PCDHGB4: variants seen among roughly 807,000 people sequenced by gnomAD.
PCDHGB4 encodes the protein protocadherin gamma-B4.
Under a neutral mutation model 60.5 loss-of-function variants are expected in PCDHGB4, and 38 were observed. The observed-to-expected ratio is 0.63, with a 90% CI of 0.48 to 0.82. The LOEUF (loss-of-function observed/expected upper bound fraction) is 0.82. Among genes scored for constraint, PCDHGB4 ranks in the 40% least tolerant of loss-of-function variants. The probability of loss-of-function intolerance (pLI) is 0.00; values close to 1 mark genes in which losing one functional copy is unlikely to be tolerated. For missense variants in PCDHGB4, 1,109 were observed against 1,209.6 expected, an observed-to-expected ratio of 0.92 and a Z score of 1.23; for synonymous variants, 456 against 509.7, an observed-to-expected ratio of 0.89 and a Z score of 1.42.
rs2098680935 is a variant in PCDHGB4, at chr5:141,450,471, G to A, written c.2398-44336G>A. 2.0e-5 allele frequency among the ~76,000 whole-genome samples: 3 copies of A among 147,910 alleles called. No homozygotes were observed. In the South Asian group the frequency reaches 6.2e-4, roughly 31 times the overall value. ...GTTTCCTCGTGATTTTATATATAGA[G>A]TTTGTTTGTTTGTTTGTCTGTTTGT... On this transcript the variant is annotated intron_variant, in intron 1 of 3. Transcript: ENST00000519479.
intron 1 of PCDHGB4, chr5:141,392,917 T>C: frequency 2.5e-6 from 4 of 1,613,922 alleles, no homozygotes; most frequent in Non-Finnish European, 3.4e-6. Context: ...CGCTACTCTG[T>C]GCCAGAAGAG....
intron 1 of PCDHGB4, among the ~76,000 whole-genome samples, chr5:141,462,783 T>A (rs1313584666): frequency 6.6e-6 from 1 of 152,236 alleles, no homozygotes; most frequent in Non-Finnish European, 1.5e-5. Flanking sequence ...CATAATTTGT[T>A]GCTTATTTGC....
intron 1 of PCDHGB4, among the ~76,000 whole-genome samples, chr5:141,488,423 T>C (rs1204233986): frequency 2.0e-5 from 3 of 152,354 alleles, no homozygotes; most frequent in Non-Finnish European, 4.4e-5. Context: ...CCATCCATGC[T>C]TGGCCTCTGA....
chr5:141,412,963 G>A (rs1387713187), intron 1 of PCDHGB4: 2 of 518,110 alleles, frequency 3.9e-6, no homozygotes, highest in South Asian at 3.3e-5. Context: ...TCACCTACTA[G>A]GAGAGAAAAC....
intron 1 of PCDHGB4, chr5:141,415,814 T>G: frequency 7.5e-7 from 1 of 1,330,430 alleles, no homozygotes; most frequent in South Asian, 1.8e-5. Flanking sequence ...AAGGCCTATA[T>G]ATCATAAGGC....
chr5:141,470,915 C>A (rs2099244061), intron 1 of PCDHGB4, among the ~76,000 whole-genome samples: 1 of 152,010 alleles, frequency 6.6e-6, no homozygotes, highest in Non-Finnish European at 1.5e-5. Flanking sequence ...GGGACTGTCC[C>A]TATGTTGCTC....
At position 141,397,489 on chromosome 5, in the gene PCDHGB4, A is replaced by G. The variant is rs568778994; in HGVS notation, c.2397+7208A>G. 3.3e-5 allele frequency among the ~76,000 whole-genome samples: 5 copies of G among 152,372 alleles called. No homozygotes were observed. In the East Asian group the frequency reaches 9.6e-4, roughly 29 times the overall value. ...GGAGTTGGAAATCATAGAAATGAAC[A>G]GAAGAATGATAAAATTGTTTCCATA... On this transcript the variant is annotated intron_variant, in intron 1 of 3. Coordinates refer to ENST00000519479, the MANE Select transcript of PCDHGB4 (RefSeq NM_003736.4).
intron 1 of PCDHGB4, chr5:141,424,728 G>A (rs907091181): frequency 1.3e-5 from 2 of 152,102 alleles, no homozygotes; most frequent in African/African-American, 2.4e-5. Flanking sequence ...GGGAGTCATA[G>A]ATTCCTTCTT....
intron 2 of PCDHGB4, 36 bp from the exon 3 acceptor site, chr5:141,505,357 T>A (rs1026098450): frequency 6.2e-7 from 1 of 1,613,762 alleles, no homozygotes; most frequent in African/African-American, 1.3e-5. Context: ...TGTGCCGGCC[T>A]GGGAGTCTGT....
At chr5:141,421,252 G>A in intron 1 of PCDHGB4, 1 of 1,607,158 alleles carries the variant, frequency 6.2e-7, no homozygotes, top group Non-Finnish European at 8.5e-7. Context: ...ACAGCGCGGG[G>A]ACCGCAGTCG....
intron 1 of PCDHGB4, chr5:141,409,169 G>A (rs371896881): frequency 3.5e-5 from 56 of 1,613,906 alleles, no homozygotes; most frequent in Non-Finnish European, 4.2e-5. Flanking sequence ...GGAAGCGAAG[G>A]ACGGAGGTGG....
At chr5:141,414,043 G>A in intron 1 of PCDHGB4, 1 of 1,611,348 alleles carries the variant, frequency 6.2e-7, no homozygotes, top group Non-Finnish European at 8.5e-7. Context: ...AAAATTACCT[G>A]ACACGCAATT....
chr5:141,404,200 A>C, intron 1 of PCDHGB4: 1 of 1,613,696 alleles, frequency 6.2e-7, no homozygotes, highest in Non-Finnish European at 8.5e-7. Context: ...AAAAAGCCTC[A>C]GAATATAATA....
Position 141,511,267 on chromosome 5 carries a change from C to T in PCDHGB4, c.*94C>T, listed in dbSNP as rs1223074819. 1.3e-6 allele frequency: 2 copies of T among 1,549,404 alleles called. No homozygotes were observed. Among genetic ancestry groups the T allele is most frequent in the Non-Finnish European group, 1.7e-6 (2 of 1,146,836 alleles). On this transcript the variant is annotated 3_prime_UTR_variant, in exon 4 of 4. Transcript: ENST00000519479. ...CCAGGCCTCAGAGTTTCAGGGCTAA[C>T]CCCCAGAATACTGGTAGGGGCCAAG...
chr5:141,409,711 A>T (rs768917889), intron 1 of PCDHGB4: 1 of 1,613,204 alleles, frequency 6.2e-7, no homozygotes, highest in Non-Finnish European at 8.5e-7. Flanking sequence ...CGGTGTCGTC[A>T]TACGTGTCAG....
intron 1 of PCDHGB4, among the ~76,000 whole-genome samples, chr5:141,460,612 T>C (rs1215147315): frequency 6.6e-6 from 1 of 152,128 alleles, no homozygotes; most frequent in African/African-American, 2.4e-5. Flanking sequence ...GTTAGATGGA[T>C]AGATAGACAG....
Position 141,388,250 on chromosome 5 carries a change from G to A in PCDHGB4, c.366G>A (p.Glu122=). 6.2e-7 allele frequency: 1 copy of A among 1,610,522 alleles called. No individual in the cohort carries two copies. The highest frequency in any genetic ancestry group is 1.7e-4 in the Middle Eastern group (1 of 6,056). Residue 122 remains glutamate, a synonymous_variant, in exon 1 of 4, where the codon GAG becomes GAA. Coordinates refer to ENST00000519479, the MANE Select transcript of PCDHGB4 (RefSeq NM_003736.4). ...TGAACTTTTATCACGTGAATGTGGA[G>A]ATCGAGGACATTAATGACCACACGC... ...NPLNFYHVNV[E]IEDINDHTPK...
chr5:141,478,783 T>G (rs1435790850), intron 1 of PCDHGB4: 2 of 1,483,968 alleles, frequency 1.3e-6, no homozygotes, highest in Admixed American at 4.6e-5. Flanking sequence ...TGGACCTAAT[T>G]CACATCCTCA....
At chr5:141,408,280 C>T in intron 1 of PCDHGB4, 1 of 1,612,648 alleles carries the variant, frequency 6.2e-7, no homozygotes, top group Non-Finnish European at 8.5e-7. Flanking sequence ...CTTTGTTCTA[C>T]CCCACCCTGA....
Sources: allele counts gnomAD v4.1 joint callset (sites outside exome capture counted in the v4.1 genomes callset), GRCh38; gene constraint gnomAD v4.1.1; transcripts MANE v1.5; gene names NCBI Gene and HGNC (gene_info 2026-07-23, HGNC 2026-07-21).